GGT1: variants seen among roughly 807,000 people sequenced by gnomAD.
The protein encoded by GGT1 is gamma-glutamyltransferase 1, also known as glutathione hydrolase 1 proenzyme.
Under a neutral mutation model 56.0 loss-of-function variants are expected in GGT1, and 21 were observed. The observed-to-expected ratio is 0.38, with a 90% CI of 0.27 to 0.54. The LOEUF is 0.54. Ranked by LOEUF, GGT1 falls within the 20% of genes least tolerant of loss-of-function variation. GGT1 has a pLI of 0.82. For missense variants in GGT1, 466 were observed against 787.0 expected (o/e 0.59, Z 4.88); for synonymous variants, 238 against 342.6 (o/e 0.69, Z 3.37).
the GGT1 span, chr22:24,589,032 C>T: frequency 5.0e-3 from 5,091 of 1,022,092 alleles, 19 homozygotes; most frequent in Non-Finnish European, 5.8e-3. Context: ...AGCTGCAAGC[C>T]CTGGCTGTTC....
chr22:24,600,627 T>C (rs2045766840), upstream of GGT1, among the ~76,000 whole-genome samples: 1 of 152,148 alleles, frequency 6.6e-6, no homozygotes, highest in African/African-American at 2.4e-5. Flanking sequence ...GGCACAGGAG[T>C]TCTGCCCATG....
chr22:24,620,155 G>A lies in GGT1; in HGVS notation c.383-173G>A, dbSNP rs1315994277. Reference sequence around the variant, plus strand: ...CGCTTGAATCCAGGAGTTCGAGATCGGGCTGGGCAAGATGGCAAGACCCCA... The same window carrying A: ...CGCTTGAATCCAGGAGTTCGAGATCAGGCTGGGCAAGATGGCAAGACCCCA... On this transcript the variant is annotated intron_variant, in intron 7 of 15. Coordinates refer to ENST00000400382, the MANE Select transcript of GGT1 (RefSeq NM_001288833.2). This position sits in a 1 kb window ranked among gnomAD's most constrained non-coding sequence, Gnocchi z 5.6. 2.0e-5 allele frequency among the ~76,000 whole-genome samples: 3 copies of A among 151,906 alleles called. No individual in the cohort carries two copies. Among genetic ancestry groups the A allele is most frequent in the Non-Finnish European group, 4.4e-5 (3 of 67,942 alleles).
At chr22:24,589,962 AAG>A (rs2045520265), upstream of GGT1, 1 of 1,576,722 alleles carries the variant, frequency 6.3e-7, no homozygotes, top group African/African-American at 1.4e-5. Flanking sequence ...GTGAGTGGTG[AAG>A]AGAGAGTTGA....
At chr22:24,585,723 C>T in the GGT1 span, 1 of 831,268 alleles carries the variant, frequency 1.2e-6, no homozygotes, top group Non-Finnish European at 1.8e-6. Context: ...CCAGGGCTGG[C>T]CACCTGGCCA....
In GGT1 at chr22:24,620,354, G is replaced by A. The variant is rs2147451338; in HGVS notation, c.409G>A (p.Glu137Lys). ...KGGLSVAVPG[E>K]IRGYELAHQR... ...GGGGCTGTCGGTGGCGGTGCCTGGG[G>A]AGATCCGAGGCTATGAGCTGGCACA... Residue 137 changes from glutamate to lysine, a missense_variant, in exon 8 of 16, where the codon GAG (glutamate) becomes AAG (lysine). Physicochemically the swap from Glu to Lys is moderately conservative, Grantham distance 56. Coordinates refer to ENST00000400382, the MANE Select transcript of GGT1 (RefSeq NM_001288833.2). The surrounding 1 kb of genome is among the most constrained non-coding windows in gnomAD (Gnocchi z 5.6). 6.2e-7 allele frequency: 1 copy of A among 1,611,702 alleles called. No individual in the cohort carries two copies. Among genetic ancestry groups the A allele is most frequent in the South Asian group, 1.1e-5 (1 of 90,970 alleles).
At chr22:24,593,918 C>G (rs2045643675), upstream of GGT1, among the ~76,000 whole-genome samples, 1 of 152,242 alleles carries the variant, frequency 6.6e-6, no homozygotes, top group South Asian at 2.1e-4. Flanking sequence ...GGGGCAGGCC[C>G]CCACCTCTGA....
chr22:24,588,604 T>G, the GGT1 span: 1 of 980,572 alleles, frequency 1.0e-6, no homozygotes, highest in Non-Finnish European at 1.3e-6. Flanking sequence ...TTGTTCCCTG[T>G]CCTCGGGCCC....
At chr22:24,626,910 C>T (rs1432345119) in intron 11 of GGT1, among the ~76,000 whole-genome samples, 1 of 150,102 alleles carries the variant, frequency 6.7e-6, no homozygotes, top group African/African-American at 2.5e-5. Flanking sequence ...GCCTATACCA[C>T]CTGCCTCAGG....
At chr22:24,627,788 G>A (rs62231234) in intron 12 of GGT1, 64 bp from the exon 13 acceptor site, 17,962 of 1,574,168 alleles carry the variant, frequency 0.011, 124 homozygotes, top group South Asian at 0.019. Context: ...GAGCCTCAGT[G>A]GGTGGATAGG....
intron 7 of GGT1, among the ~76,000 whole-genome samples, chr22:24,617,378 CGTGG>C (rs1486022557): frequency 2.6e-5 from 4 of 152,070 alleles, no homozygotes; most frequent in African/African-American, 9.7e-5. Flanking sequence ...AGTGGGGGCT[CGTGG>C]AGTATGTGAG....
rs1009609446 is a variant in GGT1, at chr22:24,628,901, A to C, written c.*62A>C. 1.1e-5 allele frequency: 18 copies of C among 1,596,224 alleles called. No individual in the cohort carries two copies. Among genetic ancestry groups the C allele is most frequent in the Non-Finnish European group, 1.5e-5 (17 of 1,170,966 alleles). On this transcript the variant is annotated 3_prime_UTR_variant, in exon 16 of 16. Coordinates refer to ENST00000400382, the MANE Select transcript of GGT1 (RefSeq NM_001288833.2). This position sits in a 1 kb window ranked among gnomAD's most constrained non-coding sequence, Gnocchi z 5.7. ...GACAAGATACTCACCAGGACCAGGA[A>C]GGGGACTCTGGGGGACCGGCTTCCC... is the stretch of plus-strand genomic sequence containing the variant.
At chr22:24,586,554 A>C in the GGT1 span, 64 of 946,418 alleles carry the variant, frequency 6.8e-5, no homozygotes, top group East Asian at 1.5e-3. Context: ...TTTTTGAGAC[A>C]AAGTTTCGCT....
At chr22:24,609,200 C>T (rs570263050) in intron 2 of GGT1, 1 of 152,106 alleles carries the variant, frequency 6.6e-6, no homozygotes, top group Non-Finnish European at 1.5e-5. Context: ...AGACAGAGCC[C>T]TCTAGCTGCT....
In GGT1 at chr22:24,605,151, GTATTA is replaced by G. The variant is rs1341776915; in HGVS notation, c.-429+1633_-429+1637del. 1.6e-4 allele frequency among the ~76,000 whole-genome samples: 7 copies of G among 43,684 alleles called. 2 individuals are homozygous for G. Among genetic ancestry groups the G allele is most frequent in the East Asian group, 1.3e-3 (3 of 2,248 alleles). The allele number at this position is 43,684 out of a possible 152,430, so 28.7% of individuals were successfully genotyped here. A position where few individuals can be genotyped will look rare whatever the true frequency, so the allele number is the denominator to read the frequency against. ...TAATATATTATATAATATATAATAT[GTATTA>G]TATTATATATTATATAATATGTAAT... On this transcript the variant is annotated intron_variant, in intron 1 of 15. Transcript: ENST00000400382.
chr22:24,585,039 T>C, the GGT1 span, among the ~76,000 whole-genome samples: 1 of 152,042 alleles, frequency 6.6e-6, no homozygotes, highest in Admixed American at 6.5e-5. Context: ...ACACGGGGAC[T>C]CCCACACGGG....
At position 24,610,498 on chromosome 22, in the gene GGT1, G is replaced by GA. The variant is rs1433515393; in HGVS notation, c.-41_-40insA. 1 of 165,208 alleles carries GA rather than the reference G, an allele frequency of 6.1e-6. No homozygotes were observed. Among genetic ancestry groups the GA allele is most frequent in the African/African-American group, 2.4e-5 (1 of 41,306 alleles). 10.2% of individuals were successfully genotyped at this position (165,208 alleles called of 1,614,324 possible). ...CCTGTCTTTCGTGGCCAACACCCCA[G>GA]GCAAGGCTTGGGGCCCCCGTCTGCT... On this transcript the variant is annotated 5_prime_UTR_variant, in exon 4 of 16. Transcript: ENST00000400382.
rs1206317632 is a variant in GGT1 at position 24,628,217 on chromosome 22, T to C, written c.1449+24T>C. Reference sequence around the variant, plus strand: ...TGGTATGTGTCACACCTTTTCTCCCTGGCCGTGCCCACCCTGCACAGCCCC... The same window carrying C: ...TGGTATGTGTCACACCTTTTCTCCCCGGCCGTGCCCACCCTGCACAGCCCC... On this transcript the variant is annotated intron_variant, in intron 14 of 15. Transcript: ENST00000400382. The surrounding 1 kb of genome is among the most constrained non-coding windows in gnomAD (Gnocchi z 5.7). 6.2e-7 allele frequency: 1 copy of C among 1,611,912 alleles called. No individual in the cohort carries two copies.
upstream of GGT1, among the ~76,000 whole-genome samples, chr22:24,594,623 C>T (rs998535427): frequency 6.6e-6 from 1 of 152,118 alleles, no homozygotes; most frequent in African/African-American, 2.4e-5. Flanking sequence ...TGGAGCAGTG[C>T]TTGCACCCCC....
upstream of GGT1, chr22:24,589,833 C>T (rs1384278271): frequency 1.2e-6 from 2 of 1,613,222 alleles, no homozygotes; most frequent in East Asian, 4.5e-5. Flanking sequence ...TCTTGGGGCA[C>T]TGCAGGTCCC....
Sources: gnomAD v4.1 joint callset for allele counts (sites outside exome capture counted in the v4.1 genomes callset) on GRCh38, gnomAD v4.1.1 for gene constraint, Gnocchi (gnomAD v3.1) non-coding constraint, MANE v1.5 for transcripts, NCBI Gene and HGNC (gene_info 2026-07-23, HGNC 2026-07-21) for gene names.